USH2A: variants seen among roughly 807,000 people sequenced by gnomAD.
USH2A encodes the protein Usher syndrome 2A (autosomal recessive, mild).
In USH2A, 443 loss-of-function variants were observed where a neutral mutation model predicts 538.9. The ratio of observed to expected loss-of-function variants is 0.82; its 90% CI spans 0.76 to 0.89. The LOEUF is 0.89. Among genes scored for constraint, USH2A ranks in the 40% least tolerant of loss-of-function variants. The probability of loss-of-function intolerance (pLI) is 0.00; values close to 1 mark genes in which losing one functional copy is unlikely to be tolerated. For synonymous variants in USH2A, 2,413 were observed against 2,273.5 expected (o/e 1.06, Z -1.75); for missense variants, 6,633 against 6,324.8 (o/e 1.05, Z -1.65).
intron 12 of USH2A, among the ~76,000 whole-genome samples, chr1:216,247,664 C>T (rs964482024): frequency 6.6e-6 from 1 of 152,074 alleles, no homozygotes; most frequent in Non-Finnish European, 1.5e-5. Flanking sequence ...AAAGTTTCAG[C>T]TAGACAGAAT....
intron 58 of USH2A, among the ~76,000 whole-genome samples, chr1:215,752,079 C>G (rs1055185118): frequency 6.6e-6 from 1 of 152,148 alleles, no homozygotes; most frequent in Non-Finnish European, 1.5e-5. Flanking sequence ...CTCTCTCTCT[C>G]TGTCTCTCTG....
chr1:216,303,445 G>A (rs375296489), intron 9 of USH2A, among the ~76,000 whole-genome samples: 50 of 151,844 alleles, frequency 3.3e-4, no homozygotes, highest in African/African-American at 1.2e-3. Context: ...AGTATAAGGC[G>A]TTATTGATGT....
chr1:216,004,629 G>A (rs1205619241), intron 32 of USH2A, among the ~76,000 whole-genome samples: 1 of 152,080 alleles, frequency 6.6e-6, no homozygotes, highest in Non-Finnish European at 1.5e-5. Context: ...AAAGTTTTGT[G>A]GTAAAGGAGA....
intron 15 of USH2A, among the ~76,000 whole-genome samples, chr1:216,208,683 T>A (rs1395587172): frequency 6.6e-6 from 1 of 152,152 alleles, no homozygotes; most frequent in Admixed American, 6.5e-5. Context: ...GACTCAGGAC[T>A]CATCATATAG....
At chr1:216,346,073 AT>A (rs984000474) in intron 4 of USH2A, among the ~76,000 whole-genome samples, 7 of 152,012 alleles carry the variant, frequency 4.6e-5, no homozygotes, top group Non-Finnish European at 8.8e-5. Flanking sequence ...GCGCATGAAC[AT>A]TTGTTGATTC....
chr1:215,942,570 T>G (rs894693379), intron 37 of USH2A, among the ~76,000 whole-genome samples: 1 of 152,178 alleles, frequency 6.6e-6, no homozygotes, highest in African/African-American at 2.4e-5. Context: ...CACAACTGTC[T>G]TTCCAAAATA....
rs539369755 is a variant in USH2A, at chr1:216,054,159, G to A, written c.6050-5512C>T. ...AAAAGTTAGCACTTGACGGGTGACT[G>A]AAAATTAAGATTTTGCAGACTGTTA... On this transcript the variant is annotated intron_variant, in intron 30 of 71. Transcript: ENST00000307340. Among the ~76,000 whole-genome samples, 68 of 152,286 alleles carry A rather than the reference G, an allele frequency of 4.5e-4. 1 individual carries two copies. Among genetic ancestry groups the A allele is most frequent in the African/African-American group, 1.6e-3 (67 of 41,552 alleles).
chr1:215,703,804 C>T (rs934269660), intron 61 of USH2A, among the ~76,000 whole-genome samples: 2 of 152,130 alleles, frequency 1.3e-5, no homozygotes, highest in African/African-American at 4.8e-5. Context: ...CTTCAGCCCC[C>T]TTTTCAGGGG....
chr1:216,252,175 T>C (rs2036175655), intron 11 of USH2A, among the ~76,000 whole-genome samples: 1 of 152,248 alleles, frequency 6.6e-6, no homozygotes, highest in African/African-American at 2.4e-5. Flanking sequence ...TAGTTAATAC[T>C]GTGTTGATTA....
chr1:216,101,260 A>C (rs1208817136), intron 21 of USH2A, among the ~76,000 whole-genome samples: 2 of 152,264 alleles, frequency 1.3e-5, no homozygotes, highest in African/African-American at 4.8e-5. Context: ...ATACATTTAA[A>C]TATAAACATA....
intron 4 of USH2A, among the ~76,000 whole-genome samples, chr1:216,345,810 G>A (rs954324144): frequency 6.6e-6 from 1 of 152,060 alleles, no homozygotes; most frequent in Non-Finnish European, 1.5e-5. Context: ...ACCACATGGC[G>A]GTACTTTCTC....
chr1:215,843,384 T>C (rs1297955593), intron 46 of USH2A, among the ~76,000 whole-genome samples: 2 of 152,174 alleles, frequency 1.3e-5, no homozygotes, highest in African/African-American at 4.8e-5. Flanking sequence ...TTTAGCCTTG[T>C]TATCTTTTAT....
At chr1:215,814,678 T>C (rs183137992) in intron 48 of USH2A, among the ~76,000 whole-genome samples, 3 of 152,226 alleles carry the variant, frequency 2.0e-5, no homozygotes, top group South Asian at 4.1e-4. Context: ...TCCGCCATGA[T>C]TGTAAGTTTC....
intron 14 of USH2A, among the ~76,000 whole-genome samples, chr1:216,226,754 G>C (rs1046057530): frequency 1.3e-5 from 2 of 152,110 alleles, no homozygotes; most frequent in African/African-American, 4.8e-5. Flanking sequence ...TATCTTCTAA[G>C]TGGTACTTTG....
At position 216,072,935 on chromosome 1, in the gene USH2A, T is replaced by A. The variant is rs1160457918; in HGVS notation, c.5811A>T (p.Gly1937=). The change falls in exon 29 of 72, where the codon GGA becomes GGT. Residue 1937 remains glycine (G), a synonymous_variant. Transcript: ENST00000307340. ...GACTCCAATCACTATATACTGAACC[T>A]CCTTCATGCGAGGCTATCACTCGAT... ...YLYRVIASHE[G]GSVYSDWSRG... is the part of the protein sequence containing the mutation. 6.2e-7 allele frequency: 1 copy of A among 1,613,812 alleles called. No individual in the cohort carries two copies. The highest frequency in any genetic ancestry group is 2.2e-5 in the East Asian group (1 of 44,878).
chr1:216,366,037 C>T (rs2038589872), intron 3 of USH2A, among the ~76,000 whole-genome samples: 1 of 152,116 alleles, frequency 6.6e-6, no homozygotes, highest in African/African-American at 2.4e-5. Flanking sequence ...GCATACACTT[C>T]TAAATAAACT....
At chr1:216,307,520 A>C (rs1484466015) in intron 9 of USH2A, among the ~76,000 whole-genome samples, 1 of 152,166 alleles carries the variant, frequency 6.6e-6, no homozygotes, top group Non-Finnish European at 1.5e-5. Context: ...CAGGGGTTTC[A>C]GGTTTCACAC....
In USH2A at chr1:216,049,707, C is replaced by G. The variant is rs142174589; in HGVS notation, c.6050-1060G>C. Among the ~76,000 whole-genome samples, 787 of 152,204 alleles carry G rather than the reference C, an allele frequency of 5.2e-3. 2 individuals are homozygous for G. The highest frequency in any genetic ancestry group is 8.5e-3 in the Non-Finnish European group (579 of 68,014). On this transcript the variant is annotated intron_variant, in intron 30 of 71. Transcript: ENST00000307340. Reference sequence around the variant, plus strand: ...TAATATACATGTTTCCATAATTTCCCTCCCCAGTAGAAAATTTAAAGAATT... The same window carrying G: ...TAATATACATGTTTCCATAATTTCCGTCCCCAGTAGAAAATTTAAAGAATT...
chr1:215,864,038 C>T (rs75140948), intron 44 of USH2A, among the ~76,000 whole-genome samples: 122 of 152,308 alleles, frequency 8.0e-4, no homozygotes, highest in East Asian at 7.9e-3. Context: ...CTGGCCACAA[C>T]TGACTTCCTT....
Sources: gnomAD v4.1 joint callset for allele counts (sites outside exome capture counted in the v4.1 genomes callset) on GRCh38, gnomAD v4.1.1 for gene constraint, MANE v1.5 for transcripts, NCBI Gene and HGNC (gene_info 2026-07-23, HGNC 2026-07-21) for gene names.